REV3L: variants seen among roughly 807,000 people sequenced by gnomAD.
REV3L encodes REV3 like, DNA directed polymerase zeta catalytic subunit.
REV3L carries 69 observed loss-of-function variants against 299.4 expected under a neutral mutation model. The observed-to-expected ratio is 0.23, with a 90% CI of 0.19 to 0.28. REV3L has a LOEUF of 0.28. REV3L is among the 10% of genes least tolerant of loss of function. REV3L has a pLI of 1.00. For missense variants in REV3L, 3,128 were observed against 3,693.8 expected, an observed-to-expected ratio of 0.85 and a Z score of 3.97; for synonymous variants, 1,238 against 1,271.4, an observed-to-expected ratio of 0.97 and a Z score of 0.56.
intron 17 of REV3L, 52 bp from the exon 18 acceptor site, chr6:111,357,177 C>T (rs1472113482): frequency 8.2e-6 from 5 of 611,060 alleles, no homozygotes; most frequent in African/African-American, 1.9e-5. Flanking sequence ...AATAATATAC[C>T]TTCATAATAT....
chr6:111,482,722 T>C lies in REV3L; in HGVS notation c.139+28A>G, dbSNP rs1793914842. ...GCCCCGGCGCCCCGCCGACTCCCGCTCCCGCCCCGCGCCCGGCGCCCGCTT... is the reference window on the plus strand; with the variant it reads ...GCCCCGGCGCCCCGCCGACTCCCGCCCCCGCCCCGCGCCCGGCGCCCGCTT... On this transcript the variant is annotated intron_variant, in intron 1 of 31. Coordinates refer to ENST00000368802, the MANE Select transcript of REV3L (RefSeq NM_001372078.1). The C allele has an allele frequency of 3.9e-6, 5 of 1,294,466 alleles. No individual in the cohort carries two copies. In the East Asian group the frequency reaches 1.6e-4, roughly 42 times the overall value. The allele number at this position is 1,294,466 out of a possible 1,614,324, so 80.2% of individuals were successfully genotyped here. A position where few individuals can be genotyped will look rare whatever the true frequency, so the allele number is the denominator to read the frequency against.
chr6:111,299,966 G>A lies in REV3L; in HGVS notation c.*50C>T. On this transcript the variant is annotated 3_prime_UTR_variant, in exon 32 of 32. Coordinates refer to ENST00000368802, the MANE Select transcript of REV3L (RefSeq NM_001372078.1). ...AAAAAGCACCATGCACAACAGTTTA[G>A]TGGTAAGCACTGAAAAAAATAGCAC... 1 of 1,559,302 alleles carries A rather than the reference G, an allele frequency of 6.4e-7. No individual in the cohort carries two copies. The highest frequency in any genetic ancestry group is 8.7e-7 in the Non-Finnish European group (1 of 1,148,464).
chr6:111,483,321 G>C (rs1472417553), upstream of REV3L: 1 of 484,922 alleles, frequency 2.1e-6, no homozygotes, highest in African/African-American at 2.1e-5. Flanking sequence ...GCGAGAGGGC[G>C]GGCGCCCGGG....
chr6:111,472,827 AAC>A (rs974249165), intron 1 of REV3L, among the ~76,000 whole-genome samples: 12 of 152,156 alleles, frequency 7.9e-5, no homozygotes, highest in African/African-American at 2.9e-4. Flanking sequence ...ACCAAACAAA[AAC>A]ACCAAAAAGG....
At chr6:111,431,750 C>T (rs1325525903) in intron 1 of REV3L, 9 of 801,676 alleles carry the variant, frequency 1.1e-5, no homozygotes, top group East Asian at 7.4e-5. Flanking sequence ...CCTAAAAAGA[C>T]GAATGTTGCT....
At chr6:111,473,214 T>C (rs780134034) in intron 1 of REV3L, among the ~76,000 whole-genome samples, 20 of 131,978 alleles carry the variant, frequency 1.5e-4, no homozygotes, top group Admixed American at 5.0e-4. Flanking sequence ...ACTTGAATCA[T>C]TTTTCACTTA....
At chr6:111,365,446 G>A (rs1463645196) in intron 14 of REV3L, 102 bp from the exon 15 acceptor site, 10 of 521,198 alleles carry the variant, frequency 1.9e-5, no homozygotes, top group Non-Finnish European at 2.6e-5. Context: ...CCACTTGTGG[G>A]TGCTGTCCTA....
chr6:111,324,924 C>G (rs1438747386), intron 25 of REV3L, among the ~76,000 whole-genome samples: 16 of 151,248 alleles, frequency 1.1e-4, no homozygotes, highest in Non-Finnish European at 2.2e-4. Flanking sequence ...TACAGTGGCG[C>G]AATCTCGGCT....
chr6:111,322,619 C>T lies in REV3L; in HGVS notation c.8301G>A (p.Val2767=), dbSNP rs747686664. ...RETLERAIKL[V]NDTKKWGARV... is the part of the protein sequence containing the mutation. ...TAGCCCCCCATTTCTTGGTATCATT[C>T]ACCAGTTTAATAGCTCGTTCCAAGG... The change falls in exon 26 of 32, where the codon GTG becomes GTA. Residue 2767 remains valine, a synonymous_variant. Transcript: ENST00000368802. 1 of 1,614,106 alleles carries T rather than the reference C, an allele frequency of 6.2e-7. No homozygotes were observed.
intron 10 of REV3L, 80 bp from the exon 11 acceptor site, chr6:111,380,299 G>A: frequency 6.7e-6 from 7 of 1,051,140 alleles, no homozygotes; most frequent in Middle Eastern, 2.5e-4. Flanking sequence ...TCTCACCCAG[G>A]CTGGAGTTGG....
chr6:111,411,669 T>C, intron 2 of REV3L, 115 bp from the exon 3 acceptor site: 1 of 681,106 alleles, frequency 1.5e-6, no homozygotes. Flanking sequence ...TTTAATATTA[T>C]CCACCCCCCA....
At position 111,374,825 on chromosome 6, in the gene REV3L, G is replaced by C; in HGVS notation, c.3530C>G (p.Ser1177Ter). The C allele has an allele frequency of 6.2e-7, 1 of 1,613,176 alleles. No homozygotes were observed. The highest frequency in any genetic ancestry group is 8.5e-7 in the Non-Finnish European group (1 of 1,179,770). ...TSRARAQIKK[S>*]KAKLANPSIV... ...AGAGGGATTAGCAAGCTTTGCTTTT[G>C]ATTTCTTAATCTGTGCTCTTGCGCG... The change falls in exon 13 of 32, where the codon TCA (serine) becomes TGA (stop). Residue 1177 changes from serine to a stop codon, truncating the protein, a stop_gained. Transcript: ENST00000368802. LOFTEE classifies it high-confidence loss of function.
chr6:111,410,306 A>G (rs1250333395), intron 3 of REV3L, among the ~76,000 whole-genome samples: 1 of 152,262 alleles, frequency 6.6e-6, no homozygotes, highest in African/African-American at 2.4e-5. Flanking sequence ...TATATAATTT[A>G]AAGCAAACTT....
intron 1 of REV3L, among the ~76,000 whole-genome samples, chr6:111,476,468 T>A (rs549034974): frequency 5.9e-5 from 9 of 152,264 alleles, no homozygotes; most frequent in Non-Finnish European, 1.0e-4. Context: ...GAAACGAAGT[T>A]TTGACTGCGA....
chr6:111,346,964 G>A (rs12209969), intron 20 of REV3L, among the ~76,000 whole-genome samples: 16,354 of 152,140 alleles, frequency 0.11, 1,156 homozygotes, highest in Middle Eastern at 0.2. Context: ...GGCAATATCA[G>A]ACTATACATT....
chr6:111,476,422 G>A (rs1583141566), intron 1 of REV3L, among the ~76,000 whole-genome samples: 1 of 152,162 alleles, frequency 6.6e-6, no homozygotes, highest in South Asian at 2.1e-4. Context: ...CTCCCAAAGT[G>A]TTGGGATTAC....
chr6:111,467,582 G>A (rs756290361), intron 1 of REV3L, among the ~76,000 whole-genome samples: 2 of 152,212 alleles, frequency 1.3e-5, no homozygotes, highest in Non-Finnish European at 2.9e-5. Flanking sequence ...CAGGGAAAGA[G>A]TTGCATCTGT....
At chr6:111,455,301 C>T (rs1314232491) in intron 1 of REV3L, among the ~76,000 whole-genome samples, 1 of 152,116 alleles carries the variant, frequency 6.6e-6, no homozygotes, top group Non-Finnish European at 1.5e-5. Context: ...GATGACACCA[C>T]ACCAGACACT....
intron 26 of REV3L, among the ~76,000 whole-genome samples, chr6:111,318,953 T>C (rs1219438479): frequency 6.6e-6 from 1 of 152,128 alleles, no homozygotes; most frequent in Non-Finnish European, 1.5e-5. Context: ...GATAAGTGGT[T>C]GTCTAGGGCA....
Sources: allele counts gnomAD v4.1 joint callset (sites outside exome capture counted in the v4.1 genomes callset), GRCh38; gene constraint gnomAD v4.1.1; transcripts MANE v1.5; gene names NCBI Gene and HGNC (gene_info 2026-07-23, HGNC 2026-07-21).